Variants in TRMT2B observed in about 807,000 individuals in gnomAD.
TRMT2B encodes tRNA methyltransferase 2B, also known as tRNA (uracil-5-)-methyltransferase homolog B.
TRMT2B carries 34 observed loss-of-function variants against 39.7 expected under a neutral mutation model. The observed-to-expected ratio is 0.86, with a 90% CI of 0.65 to 1.14. The LOEUF is 1.14. Among genes scored for constraint, TRMT2B ranks in the 50% most tolerant of loss-of-function variants. The pLI is 0.00. For synonymous variants in TRMT2B, 132 were observed against 137.3 expected (o/e 0.96, Z 0.27); for missense variants, 318 against 377.2 (o/e 0.84, Z 1.30).
At chrX:101,048,526 G>A (rs955412645) in intron 2 of TRMT2B, among the ~76,000 whole-genome samples, 17 of 111,126 alleles carry the variant, frequency 1.5e-4, no homozygotes, top group Admixed American at 5.7e-4. Flanking sequence ...CGCAACCTCC[G>A]CTGCCTGTGT....
the TRMT2B span, among the ~76,000 whole-genome samples, chrX:100,986,382 A>G: frequency 2.7e-5 from 3 of 111,869 alleles, no homozygotes; most frequent in Middle Eastern, 4.6e-3. Flanking sequence ...GCAGGTGGCC[A>G]GTCAATTCTC....
At chrX:100,997,393 A>G in the TRMT2B span, among the ~76,000 whole-genome samples, 1 of 111,972 alleles carries the variant, frequency 8.9e-6, no homozygotes, top group Admixed American at 9.5e-5. Context: ...TATCACATTA[A>G]CATTATCATC....
intron 13 of TRMT2B, among the ~76,000 whole-genome samples, chrX:101,018,566 C>T (rs1336075854): frequency 9.1e-6 from 1 of 109,349 alleles, no homozygotes; most frequent in East Asian, 2.9e-4. Flanking sequence ...TCTCCTGTCT[C>T]AACCACCCGA....
intron 7 of TRMT2B, among the ~76,000 whole-genome samples, chrX:101,023,851 T>G (rs12392975): frequency 3.6e-5 from 4 of 111,034 alleles, no homozygotes; most frequent in Non-Finnish European, 7.5e-5. Flanking sequence ...TGTCCTTTTT[T>G]TATTTTTTAT....
downstream of TRMT2B, among the ~76,000 whole-genome samples, chrX:101,004,509 G>GTTTTTGT (rs2086087855): frequency 1.9e-5 from 2 of 106,423 alleles, no homozygotes; most frequent in African/African-American, 6.8e-5. Flanking sequence ...TTTTGTTTTT[G>GTTTTTGT]TTTTTTTTTG....
At chrX:101,035,312 G>A (rs1215174788) in intron 7 of TRMT2B, among the ~76,000 whole-genome samples, 1 of 111,832 alleles carries the variant, frequency 8.9e-6, no homozygotes, top group African/African-American at 3.2e-5. Flanking sequence ...AAATACTTCA[G>A]ACACCTGACA....
intron 4 of TRMT2B, among the ~76,000 whole-genome samples, chrX:101,038,278 G>A (rs1303478608): frequency 1.0e-5 from 1 of 98,230 alleles, no homozygotes; most frequent in Non-Finnish European, 2.0e-5. Flanking sequence ...TGAGGCAGGA[G>A]ATTCGCTTGA....
chrX:100,993,968 CT>C, the TRMT2B span, among the ~76,000 whole-genome samples: 1 of 111,527 alleles, frequency 9.0e-6, no homozygotes, highest in African/African-American at 3.3e-5. Context: ...CTGGCACACC[CT>C]AAGTAGGATA....
intron 7 of TRMT2B, among the ~76,000 whole-genome samples, chrX:101,033,392 C>T (rs897791511): frequency 1.8e-5 from 2 of 109,681 alleles, no homozygotes; most frequent in Non-Finnish European, 3.8e-5. Flanking sequence ...GTCAGAAGTT[C>T]GAGACCAGCC....
chrX:101,047,305 A>T (rs763448356), intron 2 of TRMT2B, among the ~76,000 whole-genome samples: 24 of 111,567 alleles, frequency 2.2e-4, no homozygotes, highest in Non-Finnish European at 3.9e-4. Context: ...TTCAGTAAGC[A>T]TTACTAGTAA....
chrX:100,989,596 G>A, the TRMT2B span, among the ~76,000 whole-genome samples: 3 of 106,179 alleles, frequency 2.8e-5, no homozygotes, highest in East Asian at 2.9e-4. Flanking sequence ...GCAACAGAGC[G>A]GGACTCCATC....
downstream of TRMT2B, among the ~76,000 whole-genome samples, chrX:101,005,023 T>G (rs2086091010): frequency 9.0e-6 from 1 of 110,677 alleles, no homozygotes; most frequent in Admixed American, 9.7e-5. Context: ...AAATCCATAA[T>G]GTGGAACAGA....
At chrX:101,028,667 A>T (rs765883000) in intron 7 of TRMT2B, among the ~76,000 whole-genome samples, 1 of 111,612 alleles carries the variant, frequency 9.0e-6, no homozygotes, top group Non-Finnish European at 1.9e-5. Context: ...CCCTCACCCC[A>T]TCAAAACCTC....
the TRMT2B span, among the ~76,000 whole-genome samples, chrX:100,984,497 T>A: frequency 2.7e-5 from 3 of 111,553 alleles, no homozygotes; most frequent in Middle Eastern, 4.2e-3. Context: ...GAATTCCCTA[T>A]GAGATTTTGT....
Position 101,051,380 on chromosome X carries a change from G to A in TRMT2B, c.-153C>T. The stretch of plus-strand genomic sequence containing the variant: ...CACTATTCCTTGCTAAACCAAACAA[G>A]CAAATGGGTTGACTGCTGTGTCGTG... On this transcript the variant is annotated 5_prime_UTR_variant, in exon 2 of 14. Coordinates refer to ENST00000372936, the MANE Select transcript of TRMT2B (RefSeq NM_024917.6). The A allele has an allele frequency of 1.3e-6, 1 of 754,293 alleles. No individual in the cohort carries two copies. Among genetic ancestry groups the A allele is most frequent in the Non-Finnish European group, 1.6e-6 (1 of 639,376 alleles). The allele number at this position is 754,293 out of a possible 1,213,427, so 62.2% of individuals were successfully genotyped here.
Position 101,051,648 on chromosome X carries a change from C to A in TRMT2B, c.-421G>T. ...CCACGCTGGGCCGTACACGACCTTG[C>A]GCAGTCACCGTCGGGTCCCGTCTCC... On this transcript the variant is annotated 5_prime_UTR_variant, in exon 2 of 14. Coordinates refer to ENST00000372936, the MANE Select transcript of TRMT2B (RefSeq NM_024917.6). The A allele has an allele frequency of 4.0e-6, 3 of 755,047 alleles. No homozygotes were observed. Among genetic ancestry groups the A allele is most frequent in the Non-Finnish European group, 4.7e-6 (3 of 639,579 alleles). 62.2% of individuals were successfully genotyped at this position (755,047 alleles called of 1,213,427 possible). A position where few individuals can be genotyped will look rare whatever the true frequency, so the allele number is the denominator to read the frequency against.
chrX:101,031,676 C>G (rs1212154388), intron 7 of TRMT2B, among the ~76,000 whole-genome samples: 15 of 102,876 alleles, frequency 1.5e-4, no homozygotes, highest in African/African-American at 5.5e-4. Context: ...CCATTGCACT[C>G]TAGCCTGGGC....
At position 101,051,399 on chromosome X, in the gene TRMT2B, T is replaced by C. The variant is rs762534795; in HGVS notation, c.-172A>G. The stretch of plus-strand genomic sequence containing the variant: ...AAACAAGCAAATGGGTTGACTGCTG[T>C]GTCGTGTCCCGAATGCAGCCCACAG... On this transcript the variant is annotated 5_prime_UTR_variant, in exon 2 of 14. Transcript: ENST00000372936. 7 of 752,797 alleles carry C rather than the reference T, an allele frequency of 9.3e-6. No homozygotes were observed. The East Asian group carries it at 1.1e-3, about 115-fold the overall frequency. The allele number at this position is 752,797 out of a possible 1,213,427, so 62.0% of individuals were successfully genotyped here.
At chrX:101,012,655 T>C (rs1430145367) in intron 13 of TRMT2B, among the ~76,000 whole-genome samples, 2 of 110,093 alleles carry the variant, frequency 1.8e-5, no homozygotes, top group Non-Finnish European at 3.8e-5. Context: ...CGTATGTTTA[T>C]TGCGGCATTA....
Sources: gnomAD v4.1 joint callset for allele counts (sites outside exome capture counted in the v4.1 genomes callset) on GRCh38, gnomAD v4.1.1 for gene constraint, MANE v1.5 for transcripts, NCBI Gene and HGNC (gene_info 2026-07-23, HGNC 2026-07-21) for gene names.